Variants in VPS13A observed in about 807,000 individuals in gnomAD.
The protein encoded by VPS13A is vacuolar protein sorting 13 homolog A.
VPS13A carries 264 observed loss-of-function variants against 390.9 expected under a neutral mutation model. That is an observed-to-expected ratio of 0.68 (90% CI 0.61 to 0.75). VPS13A has a LOEUF of 0.75. VPS13A is among the 30% of genes least tolerant of loss of function. The probability of loss-of-function intolerance (pLI) is 0.00; values close to 1 mark genes in which losing one functional copy is unlikely to be tolerated. For synonymous variants in VPS13A, 1,231 were observed against 1,227.1 expected (o/e 1.00, Z -0.07); for missense variants, 3,409 against 3,733.9 (o/e 0.91, Z 2.27).
chr9:77,384,746 A>G (rs1356833676), intron 68 of VPS13A: 3 of 1,544,994 alleles, frequency 1.9e-6, no homozygotes, highest in Admixed American at 3.8e-5. Context: ...GACTTATACC[A>G]TAATGCCCAT....
At position 77,250,219 on chromosome 9, in the gene VPS13A, C is replaced by T. The variant is rs748268509; in HGVS notation, c.2160C>T (p.Tyr720=). The part of the protein sequence containing the change: ...DIQLTSVQLL[Y]SRVGDNWREA... The stretch of plus-strand genomic sequence containing the variant: ...AACTTACAAGTGTACAGCTGCTTTA[C>T]AGTAGAGTTGGTGAGTATAAAATGC... The change falls in exon 21 of 72, where the codon TAC becomes TAT. Residue 720 remains tyrosine (Y), a synonymous_variant. Coordinates refer to ENST00000360280, the MANE Select transcript of VPS13A (RefSeq NM_033305.3). 1.6e-5 allele frequency: 26 copies of T among 1,613,472 alleles called. 1 individual carries two copies. The South Asian group carries it at 2.7e-4, about 17-fold the overall frequency.
At chr9:77,317,128 A>C (rs1829444849) in intron 39 of VPS13A, among the ~76,000 whole-genome samples, 1 of 152,016 alleles carries the variant, frequency 6.6e-6, no homozygotes, top group African/African-American at 2.4e-5. Context: ...ATAAGATGTA[A>C]TTTTGATACA....
At chr9:77,314,420 G>T (rs565465998) in intron 36 of VPS13A, 75 bp from the exon 37 acceptor site, 2 of 1,423,194 alleles carry the variant, frequency 1.4e-6, no homozygotes, top group Non-Finnish European at 2.0e-6. Context: ...GCAATAATTT[G>T]TAGTAGTTCA....
rs150138229 is a variant in VPS13A at position 77,266,891 on chromosome 9, C to A, written c.2428-6389C>A. Among the ~76,000 whole-genome samples the A allele has an allele frequency of 5.7e-3, 872 of 152,088 alleles. 12 individuals carry two copies. Among genetic ancestry groups the A allele is most frequent in the African/African-American group, 0.02 (841 of 41,490 alleles). The stretch of plus-strand genomic sequence containing the variant: ...ATTCTTTTTTCTCTAATCTTGTCTT[C>A]ATGCTTTATTTCACTAAGTTGATCT... On this transcript the variant is annotated intron_variant, in intron 23 of 71. Transcript: ENST00000360280.
rs757970005 is a variant in VPS13A, at chr9:77,368,092, A to G, written c.8509A>G (p.Thr2837Ala). 37 of 1,612,638 alleles carry G rather than the reference A, an allele frequency of 2.3e-5. No homozygotes were observed. The South Asian group carries it at 3.8e-4, about 17-fold the overall frequency. Reference sequence around the variant, plus strand: ...TGAACTCAACTATCAGTTCCATACAACATCCGATCTACAGTCTGAAGTCAT... The same window carrying G: ...TGAACTCAACTATCAGTTCCATACAGCATCCGATCTACAGTCTGAAGTCAT... ...FFELNYQFHT[T>A]SDLQSEVIRH... The change falls in exon 62 of 72, where the codon ACA (threonine) becomes GCA (alanine). Residue 2837 changes from threonine (T) to alanine (A), a missense_variant. By Grantham distance (58) the Thr-to-Ala change is moderately conservative (BLOSUM62 0). Transcript: ENST00000360280.
At chr9:77,296,758 G>A (rs974632260) in intron 33 of VPS13A, among the ~76,000 whole-genome samples, 2 of 152,124 alleles carry the variant, frequency 1.3e-5, no homozygotes, top group Non-Finnish European at 2.9e-5. Flanking sequence ...TTAAGTATTA[G>A]GTAGAATTTA....
At chr9:77,255,239 A>G (rs1398133173) in intron 22 of VPS13A, among the ~76,000 whole-genome samples, 2 of 152,100 alleles carry the variant, frequency 1.3e-5, no homozygotes, top group Non-Finnish European at 2.9e-5. Context: ...GTGCTTTGAG[A>G]TGATCATGTG....
intron 5 of VPS13A, among the ~76,000 whole-genome samples, chr9:77,206,723 C>T (rs1194580506): frequency 6.6e-6 from 1 of 152,114 alleles, no homozygotes; most frequent in African/African-American, 2.4e-5. Flanking sequence ...TGTTCTTTAT[C>T]TTGAAACATG....
intron 46 of VPS13A, among the ~76,000 whole-genome samples, chr9:77,336,778 T>G (rs1219918102): frequency 6.6e-6 from 1 of 151,662 alleles, no homozygotes; most frequent in African/African-American, 2.4e-5. Context: ...TTCCAGAAAG[T>G]TAAGATGATA....
At chr9:77,371,801 T>TC (rs1476910772) in intron 67 of VPS13A, among the ~76,000 whole-genome samples, 1 of 71,254 alleles carries the variant, frequency 1.4e-5, no homozygotes, top group African/African-American at 5.5e-5. Flanking sequence ...ATGCTATCCC[T>TC]CCCCCCTCCC....
Position 77,276,064 on chromosome 9 carries a change from G to A in VPS13A, c.2668-1G>A, listed in dbSNP as rs1473909547. On this transcript the variant is annotated splice_acceptor_variant, in intron 25 of 71. Transcript: ENST00000360280. LOFTEE classifies it high-confidence loss of function. ...TAATTTCTTTTTTCTTTCTTCTCCA[G>A]GTTTTGATCGAGTTTTATCACCTTG... The A allele has an allele frequency of 6.2e-7, 1 of 1,611,266 alleles. No homozygotes were observed.
intron 46 of VPS13A, among the ~76,000 whole-genome samples, chr9:77,333,518 G>A (rs1049418918): frequency 6.8e-6 from 1 of 148,128 alleles, no homozygotes; most frequent in Admixed American, 6.9e-5. Context: ...AGGTTCAAGC[G>A]AGTCTCCTGC....
rs59803076 is a variant in VPS13A at position 77,195,764 on chromosome 9, CTTTATT to C, written c.101-4165_101-4160del. ...AAAAGAAAAAAAAAGAAAACGAATGCTTTATTTTTATTTTTATTTTTTTTCCATTCT... is the reference window on the plus strand; with the variant it reads ...AAAAGAAAAAAAAAGAAAACGAATGCTTTATTTTTATTTTTTTTCCATTCT... On this transcript the variant is annotated intron_variant, in intron 1 of 71. Coordinates refer to ENST00000360280, the MANE Select transcript of VPS13A (RefSeq NM_033305.3). Among the ~76,000 whole-genome samples the C allele has an allele frequency of 3.9e-5, 6 of 152,048 alleles. No homozygotes were observed. In the South Asian group the frequency reaches 1.0e-3, roughly 26 times the overall value.
At chr9:77,362,261 C>T (rs938841113) in intron 59 of VPS13A, among the ~76,000 whole-genome samples, 13 of 152,194 alleles carry the variant, frequency 8.5e-5, no homozygotes, top group Admixed American at 6.5e-4. Flanking sequence ...TTACGTTTTA[C>T]GAATTTTAAA....
intron 23 of VPS13A, among the ~76,000 whole-genome samples, chr9:77,262,251 T>C (rs1429801696): frequency 6.6e-6 from 1 of 152,086 alleles, no homozygotes; most frequent in Non-Finnish European, 1.5e-5. Flanking sequence ...TTTTTTTCCT[T>C]CATGATTTCT....
At chr9:77,329,572 A>G (rs778004010) in intron 45 of VPS13A, among the ~76,000 whole-genome samples, 2 of 152,202 alleles carry the variant, frequency 1.3e-5, no homozygotes, top group Non-Finnish European at 2.9e-5. Context: ...GAACACACAC[A>G]TTTATTGATT....
At chr9:77,240,937 T>G (rs937943019) in intron 19 of VPS13A, among the ~76,000 whole-genome samples, 1 of 152,226 alleles carries the variant, frequency 6.6e-6, no homozygotes, top group African/African-American at 2.4e-5. Context: ...TATCTACCCT[T>G]TTCTTTTACA....
intron 4 of VPS13A, among the ~76,000 whole-genome samples, 155 bp downstream of exon 4, chr9:77,205,563 T>C (rs1349449292): frequency 2.6e-5 from 4 of 151,884 alleles, no homozygotes; most frequent in Non-Finnish European, 5.9e-5. Context: ...CTCTACATTT[T>C]TGGCAACTTT....
chr9:77,210,351 C>CCCCA (rs1236807487), intron 6 of VPS13A, among the ~76,000 whole-genome samples: 1 of 140,366 alleles, frequency 7.1e-6, no homozygotes, highest in African/African-American at 2.7e-5. Flanking sequence ...CCCACCTCAC[C>CCCCA]CCCACCCACC....
Sources: allele counts gnomAD v4.1 joint callset (sites outside exome capture counted in the v4.1 genomes callset), GRCh38; gene constraint gnomAD v4.1.1; transcripts MANE v1.5; gene names NCBI Gene and HGNC (gene_info 2026-07-23, HGNC 2026-07-21).